The following MTHFD1 variants were observed in gnomAD, a reference collection of about 807,000 sequenced individuals.
MTHFD1 encodes methylenetetrahydrofolate dehydrogenase, cyclohydrolase and formyltetrahydrofolate synthetase 1.
In MTHFD1, 44 loss-of-function variants were observed where a neutral mutation model predicts 110.3. The ratio of observed to expected loss-of-function variants is 0.40; its 90% confidence interval spans 0.31 to 0.51. The LOEUF (loss-of-function observed/expected upper bound fraction) is 0.51, where lower values mean the gene tolerates loss of function less well. Among genes scored for constraint, MTHFD1 ranks in the 20% least tolerant of loss-of-function variants. The pLI is 0.60. For synonymous variants in MTHFD1, 402 were observed against 428.8 expected, an observed-to-expected ratio of 0.94 and a Z score of 0.77; for missense variants, 909 against 1,173.1, an observed-to-expected ratio of 0.77 and a Z score of 3.29.
At chr14:64,408,153 A>G (rs2077951293) in intron 2 of MTHFD1, among the ~76,000 whole-genome samples, 1 of 152,108 alleles carries the variant, frequency 6.6e-6, no homozygotes, top group Non-Finnish European at 1.5e-5. Context: ...AGCCTAAAAT[A>G]TACACCGTCT....
At chr14:64,400,263 C>A (rs2077885864) in intron 1 of MTHFD1, among the ~76,000 whole-genome samples, 1 of 152,130 alleles carries the variant, frequency 6.6e-6, no homozygotes, top group Admixed American at 6.6e-5. Flanking sequence ...TGGCGCATGC[C>A]TGTAATCCTA....
At chr14:64,429,025 A>G (rs554904023) in intron 12 of MTHFD1, among the ~76,000 whole-genome samples, 58 of 151,976 alleles carry the variant, frequency 3.8e-4, no homozygotes, top group African/African-American at 1.4e-3. Flanking sequence ...ACAAAAACAA[A>G]ATACATATTA....
intron 23 of MTHFD1, chr14:64,449,235 A>G (rs1046636689): frequency 9.5e-6 from 6 of 629,690 alleles, no homozygotes; most frequent in African/African-American, 1.8e-5. Flanking sequence ...GCGTATTACC[A>G]GGGTGGAAAT....
chr14:64,396,468 C>A (rs1251043941), intron 1 of MTHFD1, among the ~76,000 whole-genome samples: 1 of 149,654 alleles, frequency 6.7e-6, no homozygotes, highest in Non-Finnish European at 1.5e-5. Context: ...CTCGGCTCAC[C>A]GCAACCTCTG....
At chr14:64,421,176 C>G (rs2078067118) in intron 8 of MTHFD1, among the ~76,000 whole-genome samples, 1 of 152,042 alleles carries the variant, frequency 6.6e-6, no homozygotes, top group African/African-American at 2.4e-5. Context: ...TCCCTCCCTC[C>G]TCTCCCATAG....
Position 64,419,672 on chromosome 14 carries a change from G to A in MTHFD1, c.616-142G>A, listed in dbSNP as rs77746033. The A allele has an allele frequency of 6.1e-4, 426 of 700,552 alleles. 4 individuals are homozygous for A. The African/African-American group carries it at 6.9e-3, about 11-fold the overall frequency. The allele number at this position is 700,552 out of a possible 1,614,324, so 43.4% of individuals were successfully genotyped here. A position where few individuals can be genotyped will look rare whatever the true frequency, so the allele number is the denominator to read the frequency against. Reference sequence around the variant, plus strand: ...AAACAGTGTGTGGCTTACATTTGAGGCCTTAACCCAATATCTTATGAAATA... The same window carrying A: ...AAACAGTGTGTGGCTTACATTTGAGACCTTAACCCAATATCTTATGAAATA... On this transcript the variant is annotated intron_variant, in intron 7 of 27. Transcript: ENST00000652337.
At chr14:64,414,353 A>G (rs1318386667) in intron 4 of MTHFD1, among the ~76,000 whole-genome samples, 14 of 127,932 alleles carry the variant, frequency 1.1e-4, no homozygotes, top group Admixed American at 9.0e-5. Context: ...ATGCAGTGGC[A>G]TGATCTCAGC....
intron 4 of MTHFD1, 137 bp downstream of exon 4, chr14:64,412,662 A>C: frequency 1.6e-6 from 1 of 635,050 alleles, no homozygotes; most frequent in African/African-American, 2.1e-5. Context: ...TTTGAGACAC[A>C]GTTTTGCTCA....
intron 16 of MTHFD1, among the ~76,000 whole-genome samples, chr14:64,438,526 G>T (rs2078223784): frequency 6.6e-6 from 1 of 152,182 alleles, no homozygotes; most frequent in Non-Finnish European, 1.5e-5. Flanking sequence ...GTCGTTAGTT[G>T]GTTAGTTGCT....
At chr14:64,401,368 T>A (rs1311540708) in intron 2 of MTHFD1, among the ~76,000 whole-genome samples, 19 of 152,162 alleles carry the variant, frequency 1.2e-4, no homozygotes, top group Non-Finnish European at 2.8e-4. Flanking sequence ...AAGAAGCTAT[T>A]GTTTATACAG....
intron 1 of MTHFD1, among the ~76,000 whole-genome samples, chr14:64,391,819 A>T (rs565602094): frequency 6.6e-6 from 1 of 152,336 alleles, no homozygotes; most frequent in East Asian, 1.9e-4. Flanking sequence ...CACTTACTCA[A>T]CAAGTAGCTG....
intron 21 of MTHFD1, among the ~76,000 whole-genome samples, chr14:64,443,980 A>G (rs1379057551): frequency 7.2e-5 from 11 of 152,216 alleles, no homozygotes; most frequent in East Asian, 1.9e-4. Flanking sequence ...TCTCACTGCA[A>G]TGGAAGAGGG....
intron 21 of MTHFD1, among the ~76,000 whole-genome samples, chr14:64,442,948 T>C (rs2078260081): frequency 6.6e-6 from 1 of 152,182 alleles, no homozygotes; most frequent in Non-Finnish European, 1.5e-5. Flanking sequence ...GAATTTTGTA[T>C]TTCTCTGAAT....
chr14:64,399,778 T>G (rs1232953876), intron 1 of MTHFD1, among the ~76,000 whole-genome samples: 1 of 152,176 alleles, frequency 6.6e-6, no homozygotes. Flanking sequence ...TGTTTTTATT[T>G]TATTTTATTT....
intron 1 of MTHFD1, among the ~76,000 whole-genome samples, chr14:64,400,562 T>C (rs1459876063): frequency 6.6e-6 from 1 of 151,976 alleles, no homozygotes; most frequent in Non-Finnish European, 1.5e-5. Context: ...GGCACAGACC[T>C]GTAAAGTCCC....
chr14:64,449,923 G>A (rs761051514), intron 24 of MTHFD1, among the ~76,000 whole-genome samples: 7 of 152,256 alleles, frequency 4.6e-5, no homozygotes, highest in South Asian at 4.2e-4. Context: ...CAAGTAGCTG[G>A]GATTACAGGC....
chr14:64,436,889 C>A (rs935451730), intron 16 of MTHFD1, among the ~76,000 whole-genome samples: 2 of 152,176 alleles, frequency 1.3e-5, no homozygotes, highest in Non-Finnish European at 2.9e-5. Context: ...GCAGTCATAC[C>A]TATTGACTAG....
intron 15 of MTHFD1, 148 bp from the exon 16 acceptor site, chr14:64,435,421 C>T: frequency 3.0e-6 from 2 of 670,688 alleles, no homozygotes; most frequent in Non-Finnish European, 5.5e-6. Flanking sequence ...GGAAATAACC[C>T]CCAGCTTTCA....
chr14:64,443,332 A>C (rs1421297465), intron 21 of MTHFD1, among the ~76,000 whole-genome samples: 1 of 152,252 alleles, frequency 6.6e-6, no homozygotes, highest in Non-Finnish European at 1.5e-5. Context: ...CTTTGTAAAC[A>C]TGAAAATGCA....
Sources: allele counts gnomAD v4.1 joint callset (sites outside exome capture counted in the v4.1 genomes callset), GRCh38; gene constraint gnomAD v4.1.1; transcripts MANE v1.5; gene names NCBI Gene and HGNC (gene_info 2026-07-23, HGNC 2026-07-21).